The following NCKAP5 variants were observed in gnomAD, a reference collection of about 807,000 sequenced individuals.
The protein encoded by NCKAP5 is NCK associated protein 5.
Under a neutral mutation model 167.0 loss-of-function variants are expected in NCKAP5, and 92 were observed. The ratio of observed to expected loss-of-function variants is 0.55; its 90% CI spans 0.47 to 0.66. The LOEUF is 0.66. NCKAP5 is among the 30% of genes least tolerant of loss of function. The pLI is 0.00. For synonymous variants in NCKAP5, 891 were observed against 877.4 expected (o/e 1.02, Z -0.27); for missense variants, 2,378 against 2,315.0 (o/e 1.03, Z -0.56).
intron 12 of NCKAP5, among the ~76,000 whole-genome samples, chr2:132,794,247 TATATATATATATATATAG>T (rs1382775479): frequency 1.2e-4 from 7 of 60,770 alleles, no homozygotes; most frequent in African/African-American, 4.4e-4. Context: ...TATATATATA[TATATATATATATATATAG>T]AGAGAGAGAG....
At chr2:133,100,296 C>T (rs2081468874) in intron 6 of NCKAP5, among the ~76,000 whole-genome samples, 1 of 152,142 alleles carries the variant, frequency 6.6e-6, no homozygotes, top group African/African-American at 2.4e-5. Context: ...TTATTAATCA[C>T]CTGATAATTA....
In NCKAP5 at chr2:132,936,012, C is replaced by T. The variant is rs137968787; in HGVS notation, c.579+27708G>A. ...TTTTTTTTTCCTTGAGACAGAGTCC[C>T]GCTCTGTCGCCCAGGCTGGAGTGCA... On this transcript the variant is annotated intron_variant, in intron 8 of 19. Transcript: ENST00000409261. Among the ~76,000 whole-genome samples, 624 of 150,978 alleles carry T rather than the reference C, an allele frequency of 4.1e-3. 5 individuals are homozygous for T. Among genetic ancestry groups the T allele is most frequent in the African/African-American group, 0.014 (590 of 41,020 alleles).
chr2:133,339,561 C>A (rs1683438142), intron 3 of NCKAP5, among the ~76,000 whole-genome samples: 1 of 152,128 alleles, frequency 6.6e-6, no homozygotes, highest in South Asian at 2.1e-4. Context: ...ATATTTTAAC[C>A]AAGCATTGTA....
At chr2:133,235,814 G>C (rs1314659284) in intron 4 of NCKAP5, among the ~76,000 whole-genome samples, 2 of 151,414 alleles carry the variant, frequency 1.3e-5, no homozygotes, top group Non-Finnish European at 2.9e-5. Flanking sequence ...TGAGGCAGGA[G>C]AATCACTTGG....
the NCKAP5 span, among the ~76,000 whole-genome samples, chr2:133,633,974 G>A: frequency 2.6e-5 from 4 of 152,288 alleles, no homozygotes; most frequent in East Asian, 5.8e-4. Flanking sequence ...GCAAAGAATC[G>A]AGTTTAATCC....
intron 4 of NCKAP5, among the ~76,000 whole-genome samples, chr2:133,290,392 A>T (rs1679491598): frequency 6.6e-6 from 1 of 152,222 alleles, no homozygotes; most frequent in Admixed American, 6.5e-5. Flanking sequence ...ACTCAAAATC[A>T]TAATTGGTAG....
intron 6 of NCKAP5, among the ~76,000 whole-genome samples, chr2:133,056,256 T>C (rs760634200): frequency 6.6e-6 from 1 of 152,178 alleles, no homozygotes; most frequent in African/African-American, 2.4e-5. Flanking sequence ...CAAAGCTGTA[T>C]CCTCTTCCTA....
chr2:133,170,315 A>ATTTAACCCC (rs1197838932), intron 5 of NCKAP5, among the ~76,000 whole-genome samples: 2 of 152,120 alleles, frequency 1.3e-5, no homozygotes, highest in African/African-American at 2.4e-5. Context: ...TGGGCAAGTT[A>ATTTAACCCC]TTTAACCCCT....
intron 3 of NCKAP5, among the ~76,000 whole-genome samples, chr2:133,376,415 G>A (rs534788926): frequency 2.9e-4 from 44 of 152,214 alleles, no homozygotes; most frequent in Middle Eastern, 6.8e-3. Context: ...CCGTTTGCCC[G>A]AGTCCTCATG....
At chr2:132,717,972 C>G (rs1048061627) in intron 19 of NCKAP5, among the ~76,000 whole-genome samples, 8 of 152,144 alleles carry the variant, frequency 5.3e-5, no homozygotes, top group African/African-American at 1.9e-4. Flanking sequence ...TGGAGATGTA[C>G]ATAATTTTAT....
At chr2:133,266,994 G>A (rs561091640) in intron 4 of NCKAP5, among the ~76,000 whole-genome samples, 3 of 151,880 alleles carry the variant, frequency 2.0e-5, no homozygotes, top group Non-Finnish European at 2.9e-5. Flanking sequence ...GCTTAGGATC[G>A]GCGCTGTCAA....
intron 6 of NCKAP5, among the ~76,000 whole-genome samples, chr2:133,054,426 G>T (rs1482061581): frequency 6.6e-6 from 1 of 152,194 alleles, no homozygotes; most frequent in African/African-American, 2.4e-5. Flanking sequence ...AAGCTCTAAT[G>T]TAGAGACAAA....
chr2:132,698,761 G>A (rs890748615), intron 19 of NCKAP5, among the ~76,000 whole-genome samples: 11 of 152,100 alleles, frequency 7.2e-5, no homozygotes, highest in Non-Finnish European at 1.3e-4. Flanking sequence ...TTGAACCCGG[G>A]AGGCAAGGGT....
intron 6 of NCKAP5, among the ~76,000 whole-genome samples, chr2:133,109,757 T>C (rs1006204111): frequency 7.1e-6 from 1 of 141,634 alleles, no homozygotes; most frequent in Admixed American, 7.1e-5. Context: ...GGATCAAGTT[T>C]TTCTGAAAAA....
chr2:133,671,214 C>CAAAAAAAAA, the NCKAP5 span, among the ~76,000 whole-genome samples: 2 of 53,986 alleles, frequency 3.7e-5, no homozygotes, highest in East Asian at 4.8e-4. Context: ...GACTCCGTCT[C>CAAAAAAAAA]AAAAAAAAAA....
intron 18 of NCKAP5, 119 bp from the exon 19 acceptor site, chr2:132,725,878 C>T (rs1690407993): frequency 2.8e-6 from 3 of 1,080,968 alleles, no homozygotes; most frequent in Admixed American, 2.9e-5. Context: ...GAATTCCATT[C>T]CCACTGCCCA....
intron 3 of NCKAP5, among the ~76,000 whole-genome samples, chr2:133,425,690 G>C (rs953879313): frequency 2.0e-5 from 3 of 152,128 alleles, no homozygotes; most frequent in Admixed American, 6.5e-5. Flanking sequence ...TATTATTGTG[G>C]GAAATACAAA....
chr2:132,673,991 A>C (rs6743213), intron 19 of NCKAP5, among the ~76,000 whole-genome samples: 5,346 of 152,312 alleles, frequency 0.035, 320 homozygotes, highest in African/African-American at 0.12. Context: ...TGTATAAAGC[A>C]CTGCACCAAA....
intron 8 of NCKAP5, among the ~76,000 whole-genome samples, chr2:132,960,388 T>C (rs2149191309): frequency 6.6e-6 from 1 of 152,054 alleles, no homozygotes; most frequent in Admixed American, 6.6e-5. Flanking sequence ...TAAGGCGGGA[T>C]CTGGGAACTG....
Sources: gnomAD v4.1 joint callset for allele counts (sites outside exome capture counted in the v4.1 genomes callset) on GRCh38, gnomAD v4.1.1 for gene constraint, MANE v1.5 for transcripts, NCBI Gene and HGNC (gene_info 2026-07-23, HGNC 2026-07-21) for gene names.